The following AGBL1 variants were observed in gnomAD, a reference collection of about 807,000 sequenced individuals.
AGBL1 encodes the protein cytosolic carboxypeptidase 4.
AGBL1 carries 130 observed loss-of-function variants against 118.9 expected under a neutral mutation model. The ratio of observed to expected loss-of-function variants is 1.09; its 90% CI spans 0.95 to 1.26. The LOEUF is 1.26. Ranked by LOEUF, AGBL1 falls within the 50% of genes most tolerant of loss-of-function variation. The pLI, the probability that AGBL1 is intolerant of heterozygous loss-of-function variation, is 0.00. For synonymous variants in AGBL1, 555 were observed against 478.9 expected (o/e 1.16, Z -2.08); for missense variants, 1,584 against 1,298.1 (o/e 1.22, Z -3.38).
intron 23 of AGBL1, among the ~76,000 whole-genome samples, chr15:86,923,595 A>C (rs981011158): frequency 6.6e-6 from 1 of 152,146 alleles, no homozygotes; most frequent in African/African-American, 2.4e-5. Flanking sequence ...GTGCTTGGCT[A>C]TTTGGCTGTT....
At position 86,146,002 on chromosome 15, in the gene AGBL1, G is replaced by A. The variant is rs115636813; in HGVS notation, c.262+2157G>A. ...GTGAGCCAGGTGGACTCCAGGAAAG[G>A]ACCACAGAGACTTGATATATACCTC... On this transcript the variant is annotated intron_variant, in intron 3 of 22. Coordinates refer to ENST00000614907, the MANE Select transcript of AGBL1 (RefSeq NM_001386094.1). 3.6e-3 allele frequency among the ~76,000 whole-genome samples: 548 copies of A among 152,240 alleles called. 5 individuals carry two copies. Among genetic ancestry groups the A allele is most frequent in the African/African-American group, 0.013 (532 of 41,550 alleles).
chr15:86,952,254 A>T lies in AGBL1; in HGVS notation c.3222-35733A>T, dbSNP rs75601203. ...AAAAAAAAAAAAAAATTTTTTTGTC[A>T]CTCTTATTTTCTTTTAGTCAGTGTT... On this transcript the variant is annotated intron_variant, in intron 23 of 24. Coordinates refer to the AGBL1 transcript ENST00000441037. Among the ~76,000 whole-genome samples, 46 of 151,746 alleles carry T rather than the reference A, an allele frequency of 3.0e-4. No homozygotes were observed. The East Asian group carries it at 8.3e-3, about 27-fold the overall frequency.
At chr15:86,526,783 A>G (rs1450660457) in intron 19 of AGBL1, among the ~76,000 whole-genome samples, 2 of 151,892 alleles carry the variant, frequency 1.3e-5, no homozygotes, top group Admixed American at 6.6e-5. Flanking sequence ...ACATGTTCTC[A>G]TTAAGTGGGA....
chr15:86,549,949 A>C (rs2142261620), intron 20 of AGBL1, among the ~76,000 whole-genome samples: 1 of 152,096 alleles, frequency 6.6e-6, no homozygotes, highest in East Asian at 1.9e-4. Context: ...GAGTATCATA[A>C]CCAACATGAA....
At chr15:86,184,694 A>G (rs1030498172) in intron 5 of AGBL1, among the ~76,000 whole-genome samples, 7 of 152,144 alleles carry the variant, frequency 4.6e-5, no homozygotes, top group Admixed American at 2.0e-4. Flanking sequence ...TCTAACCTTG[A>G]AAATGGCCAT....
At chr15:86,921,828 C>T (rs1474129885) in intron 23 of AGBL1, among the ~76,000 whole-genome samples, 1 of 152,156 alleles carries the variant, frequency 6.6e-6, no homozygotes, top group Non-Finnish European at 1.5e-5. Context: ...ATAAAGAGCA[C>T]ACGTTTCCCC....
At chr15:86,718,835 G>A (rs2086675179) in intron 22 of AGBL1, among the ~76,000 whole-genome samples, 1 of 152,092 alleles carries the variant, frequency 6.6e-6, no homozygotes, top group Non-Finnish European at 1.5e-5. Flanking sequence ...AAGTCTTTTT[G>A]GGGAACAAGA....
At chr15:86,518,255 T>C (rs2083145983) in intron 18 of AGBL1, among the ~76,000 whole-genome samples, 1 of 152,062 alleles carries the variant, frequency 6.6e-6, no homozygotes, top group African/African-American at 2.4e-5. Flanking sequence ...CAGGATCTAG[T>C]TGTTAAAGCC....
chr15:86,882,386 C>G (rs1440454161), intron 22 of AGBL1, among the ~76,000 whole-genome samples: 1 of 152,122 alleles, frequency 6.6e-6, no homozygotes, highest in African/African-American at 2.4e-5. Context: ...TTTTATGCCT[C>G]TTTGTAATAT....
At chr15:86,936,293 C>T (rs1184305165) in intron 23 of AGBL1, among the ~76,000 whole-genome samples, 2 of 151,114 alleles carry the variant, frequency 1.3e-5, no homozygotes, top group African/African-American at 4.9e-5. Flanking sequence ...AGAGAGAGAA[C>T]AACAGATAAA....
At chr15:86,925,099 C>CTCTAATAATAATAATAATATG (rs755514874) in intron 23 of AGBL1, among the ~76,000 whole-genome samples, 1 of 121,820 alleles carries the variant, frequency 8.2e-6, no homozygotes, top group Admixed American at 8.8e-5. Flanking sequence ...GAGACTCTGT[C>CTCTAATAATAATAATAATATG]AAGAAGAAGA....
At chr15:86,656,706 AC>A (rs1471710801) in intron 21 of AGBL1, among the ~76,000 whole-genome samples, 1 of 152,014 alleles carries the variant, frequency 6.6e-6, no homozygotes, top group African/African-American at 2.4e-5. Flanking sequence ...CCTGGCCAGA[AC>A]CCTTGTGACC....
intron 23 of AGBL1, among the ~76,000 whole-genome samples, chr15:86,963,110 C>T (rs1318862895): frequency 1.3e-5 from 2 of 152,040 alleles, no homozygotes; most frequent in Non-Finnish European, 2.9e-5. Context: ...ATATCAGCAT[C>T]AGATCTGGAT....
At chr15:86,439,708 G>A (rs548068666) in intron 18 of AGBL1, among the ~76,000 whole-genome samples, 7 of 152,278 alleles carry the variant, frequency 4.6e-5, no homozygotes, top group South Asian at 2.1e-4. Flanking sequence ...ACTTGATCCC[G>A]TTGTGGTATT....
At chr15:86,984,550 G>A (rs1183364473) in intron 23 of AGBL1, among the ~76,000 whole-genome samples, 1 of 151,872 alleles carries the variant, frequency 6.6e-6, no homozygotes, top group Non-Finnish European at 1.5e-5. Context: ...ATTTTTAGTA[G>A]AGACAGGGTT....
At chr15:86,194,353 T>C (rs1352859921) in intron 5 of AGBL1, among the ~76,000 whole-genome samples, 6 of 152,260 alleles carry the variant, frequency 3.9e-5, no homozygotes, top group Non-Finnish European at 8.8e-5. Context: ...GAAAGAGTGA[T>C]GCCTGCTACT....
At chr15:86,869,068 C>A (rs767908886) in intron 22 of AGBL1, among the ~76,000 whole-genome samples, 49 of 152,306 alleles carry the variant, frequency 3.2e-4, no homozygotes, top group Non-Finnish European at 4.6e-4. Flanking sequence ...TGTCAACTGC[C>A]TTGGTGGCAG....
rs190377440 is a variant in AGBL1 at position 86,649,938 on chromosome 15, A to G, written c.2995-24335A>G. 2.7e-3 allele frequency among the ~76,000 whole-genome samples: 405 copies of G among 152,344 alleles called. 4 individuals are homozygous for G. The highest frequency in any genetic ancestry group is 9.5e-3 in the African/African-American group (393 of 41,578). The stretch of plus-strand genomic sequence containing the variant: ...CATTGTTATCAATAACTCACTCACC[A>G]ATCAATTTAACCATGAAAATGGCCC... On this transcript the variant is annotated intron_variant, in intron 21 of 22. Coordinates refer to ENST00000614907, the MANE Select transcript of AGBL1 (RefSeq NM_001386094.1).
In AGBL1 at chr15:86,615,444, G is replaced by T. The variant is rs1456830756; in HGVS notation, c.2995-58829G>T. ...AGGTAAGATGATTATGAGATTATTT[G>T]ATGGTTACTGTGGCTTTAACTAAAA... On this transcript the variant is annotated intron_variant, in intron 21 of 22. Transcript: ENST00000614907. The surrounding 1 kb of genome is among the most constrained non-coding windows in gnomAD (Gnocchi z 4.3). Among the ~76,000 whole-genome samples the T allele has an allele frequency of 6.6e-6, 1 of 152,174 alleles. No individual in the cohort carries two copies. Among genetic ancestry groups the T allele is most frequent in the Non-Finnish European group, 1.5e-5 (1 of 68,030 alleles).
Sources: allele counts gnomAD v4.1 joint callset (sites outside exome capture counted in the v4.1 genomes callset), GRCh38; gene constraint gnomAD v4.1.1; non-coding constraint Gnocchi (gnomAD v3.1); transcripts MANE v1.5; gene names NCBI Gene and HGNC (gene_info 2026-07-23, HGNC 2026-07-21).